Variants in SDK1 observed in about 807,000 individuals in gnomAD.
SDK1 encodes protein sidekick-1.
Under a neutral mutation model 245.5 loss-of-function variants are expected in SDK1, and 157 were observed. That is an observed-to-expected ratio of 0.64 (90% CI 0.56 to 0.73). The LOEUF is 0.73. Among genes scored for constraint, SDK1 ranks in the 30% least tolerant of loss-of-function variants. The pLI is 0.00. For missense variants in SDK1, 3,583 were observed against 3,002.3 expected (o/e 1.19, Z -4.52); for synonymous variants, 1,647 against 1,278.5 (o/e 1.29, Z -6.15).
intron 1 of SDK1, among the ~76,000 whole-genome samples, chr7:3,339,416 T>C (rs1456904682): frequency 3.3e-5 from 5 of 152,170 alleles, no homozygotes; most frequent in African/African-American, 7.2e-5. Flanking sequence ...AGCAAGAATA[T>C]AGGACTTACA....
chr7:3,318,307 A>C lies in SDK1; in HGVS notation c.298+16423A>C, dbSNP rs574120728. On this transcript the variant is annotated intron_variant, in intron 1 of 44. Coordinates refer to ENST00000404826, the MANE Select transcript of SDK1 (RefSeq NM_152744.4). ...GTCATGAGTCGTAGAGCTGGATTCA[A>C]ATCCTGACCCTGCCATTTAAGAGCT... Among the ~76,000 whole-genome samples, 4 of 152,334 alleles carry C rather than the reference A, an allele frequency of 2.6e-5. No homozygotes were observed. The East Asian group carries it at 7.7e-4, about 29-fold the overall frequency.
intron 1 of SDK1, among the ~76,000 whole-genome samples, chr7:3,359,405 A>G (rs1780892798): frequency 6.6e-6 from 1 of 152,178 alleles, no homozygotes; most frequent in African/African-American, 2.4e-5. Flanking sequence ...TACATGCAGA[A>G]TTGAGAAATA....
intron 4 of SDK1, among the ~76,000 whole-genome samples, chr7:3,743,143 G>T (rs758212880): frequency 6.6e-6 from 1 of 152,172 alleles, no homozygotes. Context: ...AGAGTAATAC[G>T]TAAGCAGACC....
At chr7:3,914,900 T>A (rs1443733458) in intron 5 of SDK1, among the ~76,000 whole-genome samples, 1 of 152,016 alleles carries the variant, frequency 6.6e-6, no homozygotes, top group Non-Finnish European at 1.5e-5. Context: ...CGAAAGCGAG[T>A]GTGTTTGATG....
chr7:3,661,710 T>G (rs183563378), intron 4 of SDK1, among the ~76,000 whole-genome samples: 1 of 152,164 alleles, frequency 6.6e-6, no homozygotes, highest in Non-Finnish European at 1.5e-5. Flanking sequence ...TTTGGAAAAA[T>G]GCAGTATAAA....
At chr7:3,519,776 G>A (rs775553047) in intron 1 of SDK1, among the ~76,000 whole-genome samples, 21 of 151,980 alleles carry the variant, frequency 1.4e-4, no homozygotes, top group Admixed American at 2.0e-4. Flanking sequence ...TCATATAATA[G>A]AATTCTATGA....
intron 4 of SDK1, among the ~76,000 whole-genome samples, chr7:3,694,872 G>A (rs892596344): frequency 1.3e-5 from 2 of 152,194 alleles, no homozygotes; most frequent in African/African-American, 4.8e-5. Flanking sequence ...TCTGTGGAAT[G>A]AGAAGCTAAC....
intron 5 of SDK1, among the ~76,000 whole-genome samples, chr7:3,945,629 C>G (rs1186210079): frequency 6.6e-6 from 1 of 152,078 alleles, no homozygotes; most frequent in South Asian, 2.1e-4. Flanking sequence ...GGCTTGGTGG[C>G]TCACGCCTGT....
At chr7:4,091,339 T>TTTTTTCTTTC (rs1562795931) in intron 22 of SDK1, among the ~76,000 whole-genome samples, 1 of 77,836 alleles carries the variant, frequency 1.3e-5, no homozygotes. Flanking sequence ...CTTTTCTTTT[T>TTTTTTCTTTC]TTTTTTTTTT....
intron 4 of SDK1, among the ~76,000 whole-genome samples, chr7:3,804,446 T>G (rs1779189329): frequency 6.6e-6 from 1 of 152,234 alleles, no homozygotes; most frequent in African/African-American, 2.4e-5. Flanking sequence ...CATTGGCCTA[T>G]TTGTCTTTTC....
intron 4 of SDK1, among the ~76,000 whole-genome samples, chr7:3,750,600 G>C (rs1211888632): frequency 2.6e-5 from 4 of 152,210 alleles, no homozygotes. Flanking sequence ...CCAAGGAGTA[G>C]TGTGGGGGTC....
At chr7:4,030,479 G>A (rs543242402) in intron 17 of SDK1, among the ~76,000 whole-genome samples, 6 of 152,148 alleles carry the variant, frequency 3.9e-5, no homozygotes, top group African/African-American at 1.4e-4. Flanking sequence ...TTGACAGGTC[G>A]CAGGCTTGGG....
At chr7:3,437,128 C>T (rs551817862) in intron 1 of SDK1, among the ~76,000 whole-genome samples, 24 of 152,198 alleles carry the variant, frequency 1.6e-4, no homozygotes, top group South Asian at 1.0e-3. Flanking sequence ...AAAATCAATA[C>T]GGGACATTTT....
chr7:4,220,444 A>G (rs900281802), intron 39 of SDK1, among the ~76,000 whole-genome samples, 174 bp downstream of exon 39: 9 of 151,422 alleles, frequency 5.9e-5, no homozygotes, highest in African/African-American at 2.2e-4. Flanking sequence ...ACGCGTCAAC[A>G]TGGAGTTTGC....
chr7:3,525,681 C>T (rs571837490), intron 1 of SDK1, among the ~76,000 whole-genome samples: 1 of 152,200 alleles, frequency 6.6e-6, no homozygotes, highest in African/African-American at 2.4e-5. Context: ...CAGGTGATAT[C>T]AACTTGCAAG....
rs924066371 is a variant in SDK1 at position 3,384,136 on chromosome 7, C to T, written c.298+82252C>T. On this transcript the variant is annotated intron_variant, in intron 1 of 44. Coordinates refer to ENST00000404826, the MANE Select transcript of SDK1 (RefSeq NM_152744.4). Reference sequence around the variant, plus strand: ...TTTATTTGAAATGAAACTTCTTTTACAGCTATTCATGGAAGAAAACTTTAA... The same window carrying T: ...TTTATTTGAAATGAAACTTCTTTTATAGCTATTCATGGAAGAAAACTTTAA... Among the ~76,000 whole-genome samples, 23 of 152,162 alleles carry T rather than the reference C, an allele frequency of 1.5e-4. 1 individual carries two copies. The highest frequency in any genetic ancestry group is 1.9e-4 in the Non-Finnish European group (13 of 67,998).
chr7:3,427,046 T>C (rs1022860619), intron 1 of SDK1, among the ~76,000 whole-genome samples: 1 of 152,180 alleles, frequency 6.6e-6, no homozygotes, highest in Non-Finnish European at 1.5e-5. Context: ...TTTTGCACAG[T>C]GATGCAGGAC....
intron 4 of SDK1, among the ~76,000 whole-genome samples, chr7:3,809,964 G>A (rs1490060702): frequency 6.6e-6 from 1 of 152,164 alleles, no homozygotes; most frequent in Non-Finnish European, 1.5e-5. Context: ...CTGCAGGTGC[G>A]GACACCGACA....
chr7:3,562,529 G>A (rs969997159), intron 1 of SDK1, among the ~76,000 whole-genome samples: 1 of 152,306 alleles, frequency 6.6e-6, no homozygotes, highest in African/African-American at 2.4e-5. Context: ...ACTGAAGTGG[G>A]CTTTAGCTTC....
Sources: allele counts gnomAD v4.1 joint callset (sites outside exome capture counted in the v4.1 genomes callset), GRCh38; gene constraint gnomAD v4.1.1; transcripts MANE v1.5; gene names NCBI Gene and HGNC (gene_info 2026-07-23, HGNC 2026-07-21).